STXBP5L: variants seen among roughly 807,000 people sequenced by gnomAD.
STXBP5L encodes syntaxin binding protein 5L.
A neutral mutation model predicts 144.5 loss-of-function variants in STXBP5L; 65 were observed. That is an observed-to-expected ratio of 0.45 (90% CI 0.37 to 0.55). The LOEUF (loss-of-function observed/expected upper bound fraction) is 0.55, where lower values mean the gene tolerates loss of function less well. Ranked by LOEUF, STXBP5L falls within the 20% of genes least tolerant of loss-of-function variation. STXBP5L has a pLI of 0.00. For missense variants in STXBP5L, 1,298 were observed against 1,405.5 expected, an observed-to-expected ratio of 0.92 and a Z score of 1.22; for synonymous variants, 505 against 469.6, an observed-to-expected ratio of 1.08 and a Z score of -0.97.
At chr3:121,416,471 TTTTATTTATTTATTTA>T (rs140767929) in intron 25 of STXBP5L, among the ~76,000 whole-genome samples, 30 of 137,886 alleles carry the variant, frequency 2.2e-4, no homozygotes, top group Admixed American at 9.4e-4. Flanking sequence ...ACTGGTAGAT[TTTTATTTATTTATTTA>T]TTTATTTATT....
At chr3:121,404,867 A>G (rs2046960722) in intron 22 of STXBP5L, among the ~76,000 whole-genome samples, 1 of 152,146 alleles carries the variant, frequency 6.6e-6, no homozygotes, top group Non-Finnish European at 1.5e-5. Context: ...ATAATGAAAT[A>G]CCACAGACTC....
intron 19 of STXBP5L, among the ~76,000 whole-genome samples, chr3:121,315,833 C>T (rs1470451304): frequency 6.6e-6 from 1 of 151,840 alleles, no homozygotes; most frequent in Non-Finnish European, 1.5e-5. Flanking sequence ...GAAACCCTGT[C>T]TCTACTAAAA....
Position 120,975,269 on chromosome 3 carries a change from A to C in STXBP5L, c.287+20232A>C, listed in dbSNP as rs550147689. 2.6e-5 allele frequency among the ~76,000 whole-genome samples: 4 copies of C among 152,208 alleles called. No individual in the cohort carries two copies. The East Asian group carries it at 5.8e-4, about 22-fold the overall frequency. On this transcript the variant is annotated intron_variant, in intron 3 of 26. Coordinates refer to ENST00000471454, the MANE Select transcript of STXBP5L (RefSeq NM_001308330.2). ...GAAGAGGTCCTTCACGTCCCTTGTA[A>C]GTTGGATTCCTAGGTGTTTTATTCT...
At chr3:121,128,515 G>A (rs746375561) in intron 7 of STXBP5L, among the ~76,000 whole-genome samples, 1 of 152,076 alleles carries the variant, frequency 6.6e-6, no homozygotes, top group Non-Finnish European at 1.5e-5. Context: ...CTTGGTAGTG[G>A]TTGTCCCTTT....
At chr3:121,027,981 A>C (rs1454116010) in intron 3 of STXBP5L, among the ~76,000 whole-genome samples, 1 of 151,920 alleles carries the variant, frequency 6.6e-6, no homozygotes, top group African/African-American at 2.4e-5. Context: ...GTAAACTGTC[A>C]CTTGATTTAT....
At chr3:121,082,766 AT>A (rs1268302447) in intron 5 of STXBP5L, among the ~76,000 whole-genome samples, 1 of 151,986 alleles carries the variant, frequency 6.6e-6, no homozygotes, top group Admixed American at 6.6e-5. Context: ...TCAACTGATG[AT>A]TTTTCTGTTT....
In STXBP5L at chr3:121,162,406, T is replaced by C. The variant is rs563901915; in HGVS notation, c.877+4779T>C. On this transcript the variant is annotated intron_variant, in intron 9 of 26. Coordinates refer to ENST00000471454, the MANE Select transcript of STXBP5L (RefSeq NM_001308330.2). ...AACTGGACTCCTTCCTTATACCTTA[T>C]ATAAAAATCAACTCAAGGTGGATTA... 5.9e-5 allele frequency among the ~76,000 whole-genome samples: 9 copies of C among 152,230 alleles called. No homozygotes were observed. The South Asian group carries it at 1.5e-3, about 25-fold the overall frequency.
intron 20 of STXBP5L, among the ~76,000 whole-genome samples, chr3:121,321,526 T>C (rs1412985809): frequency 6.6e-6 from 1 of 152,202 alleles, no homozygotes; most frequent in Non-Finnish European, 1.5e-5. Context: ...CTGTAATCTC[T>C]TGCTGTTGTA....
At chr3:121,340,359 C>G (rs1576217673) in intron 20 of STXBP5L, among the ~76,000 whole-genome samples, 1 of 151,772 alleles carries the variant, frequency 6.6e-6, no homozygotes, top group South Asian at 2.1e-4. Context: ...ACTTTAAGTT[C>G]TAGGGTACAT....
intron 3 of STXBP5L, among the ~76,000 whole-genome samples, chr3:121,026,459 T>C (rs1364603037): frequency 1.3e-5 from 2 of 152,134 alleles, no homozygotes; most frequent in African/African-American, 2.4e-5. Context: ...ATTTGTTTGC[T>C]GTTGCTTCCC....
At chr3:121,364,120 T>C (rs551058015) in intron 20 of STXBP5L, among the ~76,000 whole-genome samples, 1 of 152,204 alleles carries the variant, frequency 6.6e-6, no homozygotes, top group African/African-American at 2.4e-5. Context: ...AAATGTAATG[T>C]CATTAACTTT....
intron 20 of STXBP5L, among the ~76,000 whole-genome samples, chr3:121,353,560 G>T (rs2045386625): frequency 6.6e-6 from 1 of 151,988 alleles, no homozygotes; most frequent in Non-Finnish European, 1.5e-5. Context: ...GCATCTATTT[G>T]ATTCTTCTCT....
At chr3:121,324,636 CA>C (rs1241582146) in intron 20 of STXBP5L, 1 of 641,820 alleles carries the variant, frequency 1.6e-6, no homozygotes, top group Non-Finnish European at 2.8e-6. Context: ...CATATCTTCA[CA>C]ATTTTCTAGG....
intron 2 of STXBP5L, among the ~76,000 whole-genome samples, chr3:120,931,435 C>T (rs368307934): frequency 2.6e-4 from 39 of 151,734 alleles, no homozygotes; most frequent in African/African-American, 9.4e-4. Context: ...TGCTTTATTA[C>T]GGTCATAGAG....
rs576257735 is a variant in STXBP5L, at chr3:121,103,525, A to G, written c.471-11400A>G. On this transcript the variant is annotated intron_variant, in intron 5 of 26. Transcript: ENST00000471454. The stretch of plus-strand genomic sequence containing the variant: ...ATAAAAGATGGCAAAAATAGACACT[A>G]GAGACTACTAGGGGGCAAGAGTTAA... Among the ~76,000 whole-genome samples, 10 of 152,208 alleles carry G rather than the reference A, an allele frequency of 6.6e-5. No individual in the cohort carries two copies. The South Asian group carries it at 2.1e-3, about 32-fold the overall frequency.
intron 22 of STXBP5L, among the ~76,000 whole-genome samples, chr3:121,391,172 T>C (rs974427009): frequency 6.6e-5 from 10 of 152,214 alleles, no homozygotes; most frequent in African/African-American, 2.4e-4. Context: ...TTCCCCTTGA[T>C]TGAATCTACT....
At chr3:121,312,446 C>CATTT (rs1468535221) in intron 19 of STXBP5L, among the ~76,000 whole-genome samples, 28 of 12,754 alleles carry the variant, frequency 2.2e-3, no homozygotes, top group Non-Finnish European at 2.6e-3. Context: ...GTATGTCAAT[C>CATTT]TTTTTTTTTT....
chr3:121,407,776 GTGTTT>G (rs777439385), intron 23 of STXBP5L, 173 bp downstream of exon 23: 120 of 973,038 alleles, frequency 1.2e-4, no homozygotes, highest in Non-Finnish European at 1.6e-4. Context: ...TGGGGGTTTT[GTGTTT>G]TGTTTTGGTT....
intron 2 of STXBP5L, among the ~76,000 whole-genome samples, chr3:120,924,461 A>G (rs1709506702): frequency 6.6e-6 from 1 of 152,204 alleles, no homozygotes; most frequent in South Asian, 2.1e-4. Context: ...AAATATAGAT[A>G]TATTTTGTGA....
Sources: allele counts gnomAD v4.1 joint callset (sites outside exome capture counted in the v4.1 genomes callset), GRCh38; gene constraint gnomAD v4.1.1; transcripts MANE v1.5; gene names NCBI Gene and HGNC (gene_info 2026-07-23, HGNC 2026-07-21).